Variants in ARID1A observed in about 807,000 individuals in gnomAD.
ARID1A encodes AT-rich interactive domain-containing protein 1A.
ARID1A carries 20 observed loss-of-function variants against 212.6 expected under a neutral mutation model. The ratio of observed to expected loss-of-function variants is 0.09; its 90% CI spans 0.07 to 0.14. The LOEUF (loss-of-function observed/expected upper bound fraction) is 0.14. ARID1A is among the 10% of genes least tolerant of loss of function. The probability of loss-of-function intolerance (pLI) is 1.00; values close to 1 mark genes in which losing one functional copy is unlikely to be tolerated. For missense variants in ARID1A, 2,587 were observed against 3,059.0 expected (o/e 0.85, Z 3.64); for synonymous variants, 1,376 against 1,222.1 (o/e 1.13, Z -2.63).
intron 8 of ARID1A, 113 bp downstream of exon 8, chr1:26,763,398 T>TATGA: frequency 8.1e-7 from 1 of 1,235,720 alleles, no homozygotes; most frequent in Non-Finnish European, 1.1e-6. Flanking sequence ...GGTGTGTGTG[T>TATGA]ATGAAGTGTT....
At chr1:26,708,265 A>ATTT (rs2080413486) in intron 1 of ARID1A, among the ~76,000 whole-genome samples, 2 of 31,656 alleles carry the variant, frequency 6.3e-5, no homozygotes, top group Non-Finnish European at 1.1e-4. Flanking sequence ...ACAGTCCTTC[A>ATTT]CTTTTTTTTT....
Position 26,780,842 on chromosome 1 carries a change from C to G in ARID1A, c.*86C>G, listed in dbSNP as rs193200602. ...ACTGTTGCCCTTTATTTATGCAAAA[C>G]CACCTCAGAATCCAGTTTACCCTGT... On this transcript the variant is annotated 3_prime_UTR_variant, in exon 20 of 20. Transcript: ENST00000324856. The surrounding 1 kb of genome is among the most constrained non-coding windows in gnomAD (Gnocchi z 7.2). The G allele has an allele frequency of 6.8e-7, 1 of 1,478,888 alleles. No homozygotes were observed. The highest frequency in any genetic ancestry group is 1.4e-5 in the African/African-American group (1 of 71,020). 91.6% of individuals were successfully genotyped at this position (1,478,888 alleles called of 1,614,324 possible).
At position 26,750,403 on chromosome 1, in the gene ARID1A, G is replaced by C. The variant is rs990452917; in HGVS notation, c.1921-10453G>C. On this transcript the variant is annotated intron_variant, in intron 4 of 19. Coordinates refer to ENST00000324856, the MANE Select transcript of ARID1A (RefSeq NM_006015.6). ...ACCAGCCAGCCTGATGTGTGTGAAA[G>C]GAGAGCTCAGTTGCCCTATTGTTGG... is the stretch of plus-strand genomic sequence containing the variant. Among the ~76,000 whole-genome samples, 5 of 152,328 alleles carry C rather than the reference G, an allele frequency of 3.3e-5. No homozygotes were observed. The Middle Eastern group carries it at 0.01, about 311-fold the overall frequency.
chr1:26,697,305 C>T lies in ARID1A; in HGVS notation c.902C>T (p.Ser301Leu), dbSNP rs2124744215. Residue 301 changes from serine to leucine, a missense_variant, in exon 1 of 20, where the codon TCG (serine) becomes TTG (leucine). By Grantham distance (145) the Ser-to-Leu change is moderately radical. This residue lies in a region of ARID1A where 735 missense variants were observed against 590.6 expected (regional missense o/e 1.24). Coordinates refer to ENST00000324856, the MANE Select transcript of ARID1A (RefSeq NM_006015.6). ...ATPTLNQLLTSPSSARGYQGY... is the reference protein window; with the variant it reads ...ATPTLNQLLTLPSSARGYQGY... ...CCCACCCTCAACCAACTGCTCACGT[C>T]GCCCAGCTCGGCCCGGGGCTACCAG... is the stretch of plus-strand genomic sequence containing the variant. 7.4e-7 allele frequency: 1 copy of T among 1,349,504 alleles called. No individual in the cohort carries two copies. The highest frequency in any genetic ancestry group is 1.9e-5 in the South Asian group (1 of 52,288). The allele number at this position is 1,349,504 out of a possible 1,614,324, so 83.6% of individuals were successfully genotyped here.
intron 8 of ARID1A, 126 bp from the exon 9 acceptor site, chr1:26,766,095 G>C: frequency 1.9e-6 from 2 of 1,067,730 alleles, no homozygotes; most frequent in Non-Finnish European, 2.7e-6. Flanking sequence ...TTCTAGTTTT[G>C]GGGACCCATA....
rs1362398724 is a variant in ARID1A at position 26,771,398 on chromosome 1, A to AT, written c.3406+73dup. 6 of 1,468,196 alleles carry AT rather than the reference A, an allele frequency of 4.1e-6. No individual in the cohort carries two copies. The highest frequency in any genetic ancestry group is 5.7e-6 in the Non-Finnish European group (6 of 1,059,966). 90.9% of individuals were successfully genotyped at this position (1,468,196 alleles called of 1,614,324 possible). ...CCCTGGCCTCTTATTCAGGATATGA[A>AT]TAAGAGGCTTATCCAACAGGATATG... On this transcript the variant is annotated intron_variant, in intron 12 of 19. Transcript: ENST00000324856. This position sits in a 1 kb window ranked among gnomAD's most constrained non-coding sequence, Gnocchi z 5.4.
In ARID1A at chr1:26,771,487, G is replaced by A. The variant is rs986801894; in HGVS notation, c.3406+161G>A. ...TAACAGGTTGGCTGACTAGAGAGTG[G>A]GCAGTGGAAACTCCCTTGGGAGGTA... On this transcript the variant is annotated intron_variant, in intron 12 of 19. Transcript: ENST00000324856. The surrounding 1 kb of genome is among the most constrained non-coding windows in gnomAD (Gnocchi z 5.4). 4 of 745,920 alleles carry A rather than the reference G, an allele frequency of 5.4e-6. No homozygotes were observed. The highest frequency in any genetic ancestry group is 8.6e-6 in the Non-Finnish European group (4 of 464,024). 46.2% of individuals were successfully genotyped at this position (745,920 alleles called of 1,614,324 possible). A position where few individuals can be genotyped will look rare whatever the true frequency, so the allele number is the denominator to read the frequency against.
At chr1:26,773,950 A>C in intron 17 of ARID1A, 52 bp downstream of exon 17, 2 of 1,576,028 alleles carry the variant, frequency 1.3e-6, no homozygotes, top group Admixed American at 3.4e-5. Context: ...CTTGAAAACT[A>C]GTTAGTAAAC....
intron 4 of ARID1A, among the ~76,000 whole-genome samples, chr1:26,748,297 C>T (rs1043045204): frequency 1.3e-5 from 2 of 152,056 alleles, no homozygotes; most frequent in African/African-American, 2.4e-5. Flanking sequence ...AGGCAACACC[C>T]CCTCCTTATT....
At chr1:26,710,630 C>A (rs994500972) in intron 1 of ARID1A, among the ~76,000 whole-genome samples, 16 of 151,946 alleles carry the variant, frequency 1.1e-4, no homozygotes, top group African/African-American at 3.1e-4. Flanking sequence ...GAAGCACAGA[C>A]CCTTGGCCAG....
chr1:26,756,624 T>C (rs557942295), intron 4 of ARID1A, among the ~76,000 whole-genome samples: 3 of 149,578 alleles, frequency 2.0e-5, no homozygotes, highest in South Asian at 4.2e-4. Flanking sequence ...ACACACCAAA[T>C]TGAACAGCGG....
chr1:26,718,476 A>C lies in ARID1A; in HGVS notation c.1138-11175A>C, dbSNP rs574891183. The stretch of plus-strand genomic sequence containing the variant: ...AGACCCCCAGTGGGTGCCTGAAAGT[A>C]CCAGACCCTATATGTACAAATGCCC... On this transcript the variant is annotated intron_variant, in intron 1 of 19. Coordinates refer to ENST00000324856, the MANE Select transcript of ARID1A (RefSeq NM_006015.6). 7.6e-4 allele frequency among the ~76,000 whole-genome samples: 116 copies of C among 152,162 alleles called. 1 individual carries two copies. The highest frequency in any genetic ancestry group is 9.7e-4 in the Non-Finnish European group (66 of 68,026).
At chr1:26,778,284 G>A (rs1464072143) in intron 19 of ARID1A, 2 of 151,892 alleles carry the variant, frequency 1.3e-5, no homozygotes, top group African/African-American at 4.8e-5. Flanking sequence ...AAAAGTGTTG[G>A]GATTACAGGT....
intron 1 of ARID1A, among the ~76,000 whole-genome samples, chr1:26,725,065 C>T (rs2080603817): frequency 6.6e-6 from 1 of 151,788 alleles, no homozygotes; most frequent in Non-Finnish European, 1.5e-5. Flanking sequence ...GCAGCATTTT[C>T]CTCTCAATTA....
rs1232569719 is a variant in ARID1A at position 26,779,880 on chromosome 1, G to A, written c.5982G>A (p.Val1994=). ...VSNTIRSLSF[V]PGNDFEMSKH... is the part of the protein sequence containing the mutation. ...ATACCATTCGAAGCCTGTCATTTGTGCCAGGCAATGACTTTGAGATGTCCA... is the reference window on the plus strand; with the variant it reads ...ATACCATTCGAAGCCTGTCATTTGTACCAGGCAATGACTTTGAGATGTCCA... The change falls in exon 20 of 20, where the codon GTG becomes GTA. Residue 1994 remains valine (V), a synonymous_variant. Transcript: ENST00000324856. The A allele has an allele frequency of 1.2e-6, 2 of 1,613,968 alleles. No individual in the cohort carries two copies. The highest frequency in any genetic ancestry group is 2.7e-5 in the African/African-American group (2 of 74,878).
Position 26,697,265 on chromosome 1 carries a change from C to G in ARID1A, c.862C>G (p.Gln288Glu), listed in dbSNP as rs1400750252. The G allele has an allele frequency of 7.3e-7, 1 of 1,367,964 alleles. No homozygotes were observed. The highest frequency in any genetic ancestry group is 1.8e-5 in the South Asian group (1 of 56,240). 84.7% of individuals were successfully genotyped at this position (1,367,964 alleles called of 1,614,324 possible). Residue 288 changes from glutamine to glutamate, a missense_variant, in exon 1 of 20, where the codon CAG becomes GAG. By Grantham distance (29) the Gln-to-Glu change is conservative (BLOSUM62 2). This residue lies in a region of ARID1A where 735 missense variants were observed against 590.6 expected (regional missense o/e 1.24). Transcript: ENST00000324856. ...CTCCGCGGCCGGCGGGGGAACTCCCCAGCCCACCGCCACCCCCACCCTCAA... is the reference window on the plus strand; with the variant it reads ...CTCCGCGGCCGGCGGGGGAACTCCCGAGCCCACCGCCACCCCCACCCTCAA... Reference protein sequence around the residue: ...GPSAAGGGTPQPTATPTLNQL... With the variant: ...GPSAAGGGTPEPTATPTLNQL...
At position 26,729,748 on chromosome 1, in the gene ARID1A, A is replaced by T. The variant is rs2124785226; in HGVS notation, c.1235A>T (p.Gln412Leu). The change falls in exon 2 of 20, where the codon CAG becomes CTG. Residue 412 changes from glutamine (Q) to leucine (L), a missense_variant. This residue lies in a region of ARID1A where 674 missense variants were observed against 813.4 expected (regional missense o/e 0.83). Transcript: ENST00000324856. ...SQQQGPPSGP[Q>L]QGHGYPGQPY... is the part of the protein sequence containing the mutation. ...CAACAGGGACCTCCGTCAGGACCGC[A>T]GCAAGGACATGGGTACCCAGGGCAG... The T allele has an allele frequency of 6.2e-7, 1 of 1,614,270 alleles. No homozygotes were observed. The highest frequency in any genetic ancestry group is 8.5e-7 in the Non-Finnish European group (1 of 1,180,046).
intron 1 of ARID1A, among the ~76,000 whole-genome samples, chr1:26,709,492 C>A (rs1204664437): frequency 6.6e-6 from 1 of 152,148 alleles, no homozygotes; most frequent in East Asian, 1.9e-4. Context: ...GCACCCCCGA[C>A]CCAGGACCCC....
chr1:26,745,416 A>G (rs2080827048), intron 4 of ARID1A, among the ~76,000 whole-genome samples: 1 of 152,200 alleles, frequency 6.6e-6, no homozygotes, highest in Non-Finnish European at 1.5e-5. Context: ...ATCTAATCTC[A>G]TGAGTCAGCT....
Sources: allele counts gnomAD v4.1 joint callset (sites outside exome capture counted in the v4.1 genomes callset), GRCh38; gene constraint gnomAD v4.1.1; regional missense constraint gnomAD v4.1.1; non-coding constraint Gnocchi (gnomAD v3.1); transcripts MANE v1.5; gene names NCBI Gene and HGNC (gene_info 2026-07-23, HGNC 2026-07-21).